The following FBXL4 variants were observed in gnomAD, a reference collection of about 807,000 sequenced individuals.
FBXL4 encodes the protein F-box/LRR-repeat protein 4.
Under a neutral mutation model 58.9 loss-of-function variants are expected in FBXL4, and 40 were observed. The ratio of observed to expected loss-of-function variants is 0.68; its 90% CI spans 0.53 to 0.88. The LOEUF is 0.88. Among genes scored for constraint, FBXL4 ranks in the 40% least tolerant of loss-of-function variants. FBXL4 has a pLI of 0.00. For synonymous variants in FBXL4, 263 were observed against 265.5 expected, an observed-to-expected ratio of 0.99 and a Z score of 0.09; for missense variants, 676 against 734.4, an observed-to-expected ratio of 0.92 and a Z score of 0.92.
chr6:98,905,467 C>A lies in FBXL4; in HGVS notation c.1062G>T (p.Trp354Cys). The change falls in exon 6 of 10, where the codon TGG becomes TGT. Residue 354 changes from tryptophan (W) to cysteine (C), a missense_variant. Coordinates refer to ENST00000369244, the MANE Select transcript of FBXL4 (RefSeq NM_001278716.2). ...CTLVQWLNLS[W>C]TGNRGFISVA... Reference sequence around the variant, plus strand: ...CAGAGATGAAGCCTCTATTGCCAGTCCAAGATAAATTAAGCCACTGGACAA... The same window carrying A: ...CAGAGATGAAGCCTCTATTGCCAGTACAAGATAAATTAAGCCACTGGACAA... 3 of 1,613,954 alleles carry A rather than the reference C, an allele frequency of 1.9e-6. No individual in the cohort carries two copies. The highest frequency in any genetic ancestry group is 2.5e-6 in the Non-Finnish European group (3 of 1,179,952).
In FBXL4 at chr6:98,909,009, T is replaced by TTC. The variant is rs386408036; in HGVS notation, c.859-3341_859-3340dup. 4.2e-4 allele frequency among the ~76,000 whole-genome samples: 7 copies of TTC among 16,622 alleles called. No individual in the cohort carries two copies. The African/African-American group carries it at 6.5e-3, about 16-fold the overall frequency. 10.9% of individuals were successfully genotyped at this position (16,622 alleles called of 152,430 possible). A position where few individuals can be genotyped will look rare whatever the true frequency, so the allele number is the denominator to read the frequency against. On this transcript the variant is annotated intron_variant, in intron 5 of 9. Coordinates refer to ENST00000369244, the MANE Select transcript of FBXL4 (RefSeq NM_001278716.2). Reference sequence around the variant, plus strand: ...AGTATTTTCATATTTTTAGGCAAACTTCAATTTTAAAAAATTCTGTTTGCA... The same window carrying TTC: ...AGTATTTTCATATTTTTAGGCAAACTTCTCAATTTTAAAAAATTCTGTTTGCA...
chr6:98,905,278 T>C (rs1771755816), intron 6 of FBXL4, 148 bp downstream of exon 6: 1 of 982,408 alleles, frequency 1.0e-6, no homozygotes, highest in Admixed American at 2.3e-5. Flanking sequence ...AGCAGCAGCA[T>C]TCTAAACATG....
chr6:98,875,323 A>C (rs1452513328), intron 9 of FBXL4, 92 bp downstream of exon 9: 12 of 1,285,038 alleles, frequency 9.3e-6, no homozygotes, highest in Non-Finnish European at 1.1e-5. Context: ...TATTGTATCC[A>C]AAAATTTTCT....
chr6:98,899,683 CA>C (rs1771534228), intron 6 of FBXL4, among the ~76,000 whole-genome samples: 1 of 151,884 alleles, frequency 6.6e-6, no homozygotes, highest in African/African-American at 2.4e-5. Flanking sequence ...CTTGAGAGAA[CA>C]AAATGAATTC....
At chr6:98,880,532 A>G in intron 8 of FBXL4, 21 bp downstream of exon 8, 2 of 1,604,144 alleles carry the variant, frequency 1.2e-6, no homozygotes, top group Non-Finnish European at 1.7e-6. Flanking sequence ...TGAGTAGTAT[A>G]AAGAATTCTC....
In FBXL4 at chr6:98,942,865, T is replaced by C. The variant is rs188374718; in HGVS notation, c.-309+4941A>G. ...AGGGCAAAAAAGAGTCAGTTATAGA[T>C]GGTTTCAGAATTTCCAAACTTGCAG... On this transcript the variant is annotated intron_variant, in intron 1 of 9. Coordinates refer to ENST00000369244, the MANE Select transcript of FBXL4 (RefSeq NM_001278716.2). 1.4e-4 allele frequency among the ~76,000 whole-genome samples: 21 copies of C among 152,244 alleles called. 1 individual carries two copies. The East Asian group carries it at 3.7e-3, about 27-fold the overall frequency.
chr6:98,935,582 G>A (rs1439663879), intron 1 of FBXL4, among the ~76,000 whole-genome samples: 3 of 151,622 alleles, frequency 2.0e-5, no homozygotes, highest in South Asian at 2.1e-4. Context: ...GAGGTCAGGA[G>A]ATCGAGACCA....
chr6:98,914,659 G>A (rs1772258513), intron 5 of FBXL4, among the ~76,000 whole-genome samples: 2 of 152,094 alleles, frequency 1.3e-5, no homozygotes, highest in Non-Finnish European at 2.9e-5. Context: ...GGTATTGATG[G>A]GACATATCTC....
At chr6:98,940,861 C>T (rs1773405959) in intron 1 of FBXL4, among the ~76,000 whole-genome samples, 1 of 152,138 alleles carries the variant, frequency 6.6e-6, no homozygotes, top group South Asian at 2.1e-4. Flanking sequence ...GAAAGTATTT[C>T]ATCTTAGACC....
intron 7 of FBXL4, chr6:98,898,188 G>T: frequency 1.7e-6 from 1 of 579,128 alleles, no homozygotes; most frequent in Non-Finnish European, 2.2e-6. Flanking sequence ...GCCATAATGA[G>T]CTAGACAAAC....
chr6:98,912,592 G>A (rs1348643336), intron 5 of FBXL4, among the ~76,000 whole-genome samples: 2 of 151,938 alleles, frequency 1.3e-5, no homozygotes, highest in African/African-American at 4.8e-5. Context: ...CATAAGTGAA[G>A]GAGAAATAAA....
chr6:98,874,684 T>C (rs1171673444), intron 9 of FBXL4, among the ~76,000 whole-genome samples: 2 of 152,190 alleles, frequency 1.3e-5, no homozygotes, highest in African/African-American at 4.8e-5. Context: ...TCCTACCCAC[T>C]ATCTTCATTC....
At chr6:98,896,230 G>C (rs1771404970) in intron 7 of FBXL4, among the ~76,000 whole-genome samples, 1 of 152,110 alleles carries the variant, frequency 6.6e-6, no homozygotes, top group African/African-American at 2.4e-5. Flanking sequence ...CTCATTCTCT[G>C]TTTGCTCTCA....
intron 5 of FBXL4, among the ~76,000 whole-genome samples, chr6:98,912,443 ACC>A (rs1772128410): frequency 6.6e-6 from 1 of 152,218 alleles, no homozygotes. Flanking sequence ...CGGGTTACCC[ACC>A]AAGGGAAGCC....
chr6:98,901,972 T>C (rs1034491845), intron 6 of FBXL4, among the ~76,000 whole-genome samples: 3 of 152,150 alleles, frequency 2.0e-5, no homozygotes, highest in African/African-American at 7.2e-5. Flanking sequence ...TCTCCTGCTA[T>C]GAGAAAAGGA....
chr6:98,935,783 G>A lies in FBXL4; in HGVS notation c.-308-904C>T, dbSNP rs1189963478. ...CGCAGTCTGGCCTGGGCGACAGAGC[G>A]AGACTCCGTCTCAAAAAAAAAAAAA... On this transcript the variant is annotated intron_variant, in intron 1 of 9. Coordinates refer to ENST00000369244, the MANE Select transcript of FBXL4 (RefSeq NM_001278716.2). Among the ~76,000 whole-genome samples, 7 of 112,534 alleles carry A rather than the reference G, an allele frequency of 6.2e-5. No homozygotes were observed. The South Asian group carries it at 1.5e-3, about 23-fold the overall frequency. 73.8% of individuals were successfully genotyped at this position (112,534 alleles called of 152,430 possible).
At chr6:98,886,843 G>A (rs963902611) in intron 7 of FBXL4, among the ~76,000 whole-genome samples, 1 of 152,158 alleles carries the variant, frequency 6.6e-6, no homozygotes, top group Non-Finnish European at 1.5e-5. Flanking sequence ...AAACTCCTGG[G>A]TGGGGTGGCT....
intron 7 of FBXL4, among the ~76,000 whole-genome samples, chr6:98,886,907 T>C (rs913606087): frequency 1.3e-5 from 2 of 152,194 alleles, no homozygotes; most frequent in African/African-American, 4.8e-5. Flanking sequence ...AAGATTCTCA[T>C]GATACAGTTT....
chr6:98,923,282 A>T (rs1772653060), intron 4 of FBXL4, among the ~76,000 whole-genome samples: 1 of 152,094 alleles, frequency 6.6e-6, no homozygotes, highest in Non-Finnish European at 1.5e-5. Flanking sequence ...GTATCTTCAT[A>T]AAAAAATTTC....
Sources: gnomAD v4.1 joint callset for allele counts (sites outside exome capture counted in the v4.1 genomes callset) on GRCh38, gnomAD v4.1.1 for gene constraint, MANE v1.5 for transcripts, NCBI Gene and HGNC (gene_info 2026-07-23, HGNC 2026-07-21) for gene names.